Variants in ADGRL2 observed in about 807,000 individuals in gnomAD.
ADGRL2 encodes adhesion G protein-coupled receptor L2, also known as calcium-independent alpha-latrotoxin receptor 2.
In ADGRL2, 44 loss-of-function variants were observed where a neutral mutation model predicts 157.4. The ratio of observed to expected loss-of-function variants is 0.28; its 90% CI spans 0.22 to 0.36. ADGRL2 has a LOEUF of 0.36. Ranked by LOEUF, ADGRL2 falls within the 10% of genes least tolerant of loss-of-function variation. The pLI is 1.00. For missense variants in ADGRL2, 1,510 were observed against 1,768.9 expected (o/e 0.85, Z 2.63); for synonymous variants, 585 against 624.7 (o/e 0.94, Z 0.95).
At chr1:81,496,675 A>C (rs1223588705) in intron 2 of ADGRL2, among the ~76,000 whole-genome samples, 1 of 152,156 alleles carries the variant, frequency 6.6e-6, no homozygotes, top group Non-Finnish European at 1.5e-5. Context: ...TGAGGAAAAA[A>C]AAAAAAAGAC....
intron 3 of ADGRL2, among the ~76,000 whole-genome samples, chr1:81,612,941 T>A (rs2081572389): frequency 6.6e-6 from 1 of 152,188 alleles, no homozygotes; most frequent in South Asian, 2.1e-4. Context: ...ATCTTTGTTG[T>A]TATTATTAAG....
chr1:81,488,449 T>C (rs1480522251), intron 2 of ADGRL2, among the ~76,000 whole-genome samples: 2 of 151,716 alleles, frequency 1.3e-5, no homozygotes, highest in African/African-American at 4.8e-5. Flanking sequence ...CCTGTGATTG[T>C]AGCACTTTGA....
chr1:81,597,113 G>A lies in ADGRL2; in HGVS notation c.-143+16133G>A, dbSNP rs564021997. On this transcript the variant is annotated intron_variant, in intron 3 of 24. Transcript: ENST00000370721. The stretch of plus-strand genomic sequence containing the variant: ...AAGATATTCTTCCTGAGAAAAGTAT[G>A]TAACAATAGGGAAAAGCCAGTCGTC... 2.2e-3 allele frequency among the ~76,000 whole-genome samples: 341 copies of A among 152,290 alleles called. 3 individuals are homozygous for A. The highest frequency in any genetic ancestry group is 7.6e-3 in the African/African-American group (315 of 41,564).
chr1:81,671,697 G>C (rs1202536872), intron 3 of ADGRL2, among the ~76,000 whole-genome samples: 1 of 152,052 alleles, frequency 6.6e-6, no homozygotes, highest in African/African-American at 2.4e-5. Context: ...ATTTTTAGTA[G>C]AGACTGGGTT....
At chr1:81,464,153 C>T (rs6677307) in intron 2 of ADGRL2, among the ~76,000 whole-genome samples, 129,242 of 152,116 alleles carry the variant, frequency 0.85, 55,694 homozygotes, top group East Asian at 0.95. Flanking sequence ...AATACAAATG[C>T]ACAACAGTTG....
intron 11 of ADGRL2, among the ~76,000 whole-genome samples, chr1:81,956,810 G>A (rs1482879450): frequency 6.6e-6 from 1 of 152,130 alleles, no homozygotes; most frequent in African/African-American, 2.4e-5. Context: ...ACTCAAAAGG[G>A]ACACAGACTA....
At position 81,487,995 on chromosome 1, in the gene ADGRL2, G is replaced by A. The variant is rs538118978; in HGVS notation, c.-248+42906G>A. On this transcript the variant is annotated intron_variant, in intron 2 of 24. Coordinates refer to the ADGRL2 transcript ENST00000370721. ...TATCACAGGTCTGTGCTCTCATCAC[G>A]ACTACTTCTAGTCACAAAGTGCAGA... 7.9e-5 allele frequency among the ~76,000 whole-genome samples: 12 copies of A among 152,226 alleles called. No homozygotes were observed. In the South Asian group the frequency reaches 1.7e-3, roughly 21 times the overall value.
In ADGRL2 at chr1:81,416,420, T is replaced by A. The variant is rs1393836238; in HGVS notation, c.-301-28616T>A. ...ACAGAGACTTGCTAAAGAGTTTTTA[T>A]GGTTATACTTCAGCTTGTTCCCTGC... On this transcript the variant is annotated intron_variant, in intron 1 of 24. Transcript: ENST00000370721. Among the ~76,000 whole-genome samples the A allele has an allele frequency of 2.6e-5, 4 of 152,176 alleles. No individual in the cohort carries two copies. The East Asian group carries it at 7.7e-4, about 29-fold the overall frequency.
intron 1 of ADGRL2, among the ~76,000 whole-genome samples, chr1:81,759,344 G>A (rs1240184722): frequency 6.6e-6 from 1 of 151,998 alleles, no homozygotes; most frequent in Non-Finnish European, 1.5e-5. Context: ...CACAACTTCA[G>A]GATAAAAATG....
chr1:81,902,034 G>A (rs1039709826), intron 2 of ADGRL2, among the ~76,000 whole-genome samples: 1 of 152,124 alleles, frequency 6.6e-6, no homozygotes, highest in Admixed American at 6.6e-5. Flanking sequence ...TCAGAAATCA[G>A]TACATGAGTG....
At chr1:81,324,623 A>C (rs1660764206) in intron 1 of ADGRL2, among the ~76,000 whole-genome samples, 1 of 151,662 alleles carries the variant, frequency 6.6e-6, no homozygotes, top group Non-Finnish European at 1.5e-5. Flanking sequence ...AAGTAGTATC[A>C]AGAGAATTTG....
intron 8 of ADGRL2, 97 bp downstream of exon 8, chr1:81,951,218 C>G (rs1373285825): frequency 2.5e-6 from 2 of 786,906 alleles, no homozygotes; most frequent in African/African-American, 3.5e-5. Flanking sequence ...AGCTTTATTG[C>G]TCTTTGTTCA....
intron 1 of ADGRL2, among the ~76,000 whole-genome samples, chr1:81,816,960 G>C (rs1350348492): frequency 1.4e-5 from 2 of 146,142 alleles, no homozygotes; most frequent in African/African-American, 2.5e-5. Flanking sequence ...TAGTTTTTTG[G>C]GGCTTTTTTT....
At chr1:81,336,970 C>T (rs957114243) in intron 1 of ADGRL2, among the ~76,000 whole-genome samples, 2 of 152,124 alleles carry the variant, frequency 1.3e-5, no homozygotes, top group Admixed American at 6.5e-5. Context: ...CAGCGAGGAG[C>T]AGCAGAGAAG....
chr1:81,809,732 A>G (rs1427741965), intron 1 of ADGRL2, among the ~76,000 whole-genome samples: 2 of 151,862 alleles, frequency 1.3e-5, no homozygotes, highest in African/African-American at 4.8e-5. Flanking sequence ...CACATTTTAT[A>G]GTCTGTTTCT....
chr1:81,608,770 G>A (rs981201896), intron 3 of ADGRL2, among the ~76,000 whole-genome samples: 1 of 152,066 alleles, frequency 6.6e-6, no homozygotes, highest in Non-Finnish European at 1.5e-5. Context: ...TTCCTTCTAT[G>A]CACCCATTCC....
At chr1:81,385,200 T>C (rs910747896) in intron 1 of ADGRL2, among the ~76,000 whole-genome samples, 6 of 152,182 alleles carry the variant, frequency 3.9e-5, no homozygotes, top group Admixed American at 3.9e-4. Flanking sequence ...GTGATGATCC[T>C]ATAAATTTAT....
chr1:81,721,675 G>T, intron 1 of ADGRL2: 1 of 1,126,342 alleles, frequency 8.9e-7, no homozygotes, highest in Non-Finnish European at 1.3e-6. Context: ...CTTCAGCTTC[G>T]CCCACTGCTT....
intron 1 of ADGRL2, chr1:81,426,380 G>C (rs879930870): frequency 1.7e-5 from 5 of 300,236 alleles, no homozygotes; most frequent in Non-Finnish European, 2.6e-5. Context: ...TGCTTCTATG[G>C]TTTTCTCAAT....
Sources: allele counts gnomAD v4.1 joint callset (sites outside exome capture counted in the v4.1 genomes callset), GRCh38; gene constraint gnomAD v4.1.1; transcripts MANE v1.5; gene names NCBI Gene and HGNC (gene_info 2026-07-23, HGNC 2026-07-21).